The following SMAD1 variants were observed in gnomAD, a reference collection of about 807,000 sequenced individuals.
The protein encoded by SMAD1 is SMAD family member 1.
SMAD1 carries 6 observed loss-of-function variants against 41.6 expected under a neutral mutation model. That is an observed-to-expected ratio of 0.14 (90% CI 0.08 to 0.28). SMAD1 has a LOEUF of 0.28. SMAD1 is among the 10% of genes least tolerant of loss of function. SMAD1 has a pLI of 1.00. For synonymous variants in SMAD1, 206 were observed against 203.2 expected (o/e 1.01, Z -0.12); for missense variants, 379 against 582.6 (o/e 0.65, Z 3.60).
At chr4:145,525,848 G>T (rs957270996) in intron 2 of SMAD1, 1 of 152,174 alleles carries the variant, frequency 6.6e-6, no homozygotes, top group Non-Finnish European at 1.5e-5. Flanking sequence ...AAGATCTAGG[G>T]TGTTGGAAAC....
At chr4:145,533,258 T>C (rs1424402472) in intron 2 of SMAD1, among the ~76,000 whole-genome samples, 1 of 152,248 alleles carries the variant, frequency 6.6e-6, no homozygotes, top group African/African-American at 2.4e-5. Context: ...TCATCGCTTA[T>C]AGTTAGTGTG....
intron 2 of SMAD1, among the ~76,000 whole-genome samples, chr4:145,520,595 A>G (rs1020161216): frequency 3.3e-5 from 5 of 152,250 alleles, no homozygotes; most frequent in Admixed American, 2.6e-4. Flanking sequence ...ATGTTTGGAT[A>G]CAGATAGAAA....
In SMAD1 at chr4:145,542,550, G is replaced by A. The variant is rs554940052; in HGVS notation, c.659-32G>A. 50 of 1,343,810 alleles carry A rather than the reference G, an allele frequency of 3.7e-5. 1 individual carries two copies. The South Asian group carries it at 5.5e-4, about 15-fold the overall frequency. 83.2% of individuals were successfully genotyped at this position (1,343,810 alleles called of 1,614,324 possible). ...TTTTGAGCATGTATGTTTACTAAGGGTTAAGAAATAACTTCTTTAAAAACT... is the reference window on the plus strand; with the variant it reads ...TTTTGAGCATGTATGTTTACTAAGGATTAAGAAATAACTTCTTTAAAAACT... On this transcript the variant is annotated intron_variant, in intron 3 of 6. Transcript: ENST00000302085.
chr4:145,492,395 A>T (rs1225363184), intron 1 of SMAD1, among the ~76,000 whole-genome samples: 2 of 152,208 alleles, frequency 1.3e-5, no homozygotes, highest in Non-Finnish European at 2.9e-5. Flanking sequence ...TGGCTTACAG[A>T]GTTCGGGGAA....
chr4:145,516,428 T>A (rs935231279), intron 2 of SMAD1, among the ~76,000 whole-genome samples: 1 of 152,244 alleles, frequency 6.6e-6, no homozygotes, highest in Admixed American at 6.5e-5. Context: ...ATTGGCCTAC[T>A]GTGCTCTTGA....
intron 4 of SMAD1, among the ~76,000 whole-genome samples, chr4:145,543,214 A>G (rs994140568): frequency 3.3e-5 from 5 of 152,122 alleles, no homozygotes; most frequent in African/African-American, 4.8e-5. Flanking sequence ...TGATCCGCCC[A>G]CCTTGGCCTC....
intron 1 of SMAD1, among the ~76,000 whole-genome samples, chr4:145,486,607 G>T (rs1728491115): frequency 6.6e-6 from 1 of 152,176 alleles, no homozygotes; most frequent in South Asian, 2.1e-4. Context: ...GAGTTAATGT[G>T]TACACTTAAC....
chr4:145,530,260 C>T (rs1278400152), intron 2 of SMAD1, among the ~76,000 whole-genome samples: 1 of 152,042 alleles, frequency 6.6e-6, no homozygotes, highest in Non-Finnish European at 1.5e-5. Flanking sequence ...GATAGAAAGA[C>T]CGGGAAAGGC....
intron 1 of SMAD1, among the ~76,000 whole-genome samples, chr4:145,486,092 T>C (rs1458710007): frequency 6.6e-6 from 1 of 152,252 alleles, no homozygotes; most frequent in African/African-American, 2.4e-5. Context: ...TATGCCAGTA[T>C]AGACATGACT....
chr4:145,495,944 T>G (rs1339056085), intron 1 of SMAD1, among the ~76,000 whole-genome samples: 1 of 152,154 alleles, frequency 6.6e-6, no homozygotes, highest in Admixed American at 6.6e-5. Flanking sequence ...AGTTTAATTT[T>G]AGTGTTCTAC....
At position 145,514,536 on chromosome 4, in the gene SMAD1, A is replaced by C; in HGVS notation, c.-78A>C. On this transcript the variant is annotated 5_prime_UTR_variant, in exon 2 of 7. Coordinates refer to ENST00000302085, the MANE Select transcript of SMAD1 (RefSeq NM_005900.3). The surrounding 1 kb of genome is among the most constrained non-coding windows in gnomAD (Gnocchi z 4.7). ...AAAGAGACTTCTCTGTAAATAAACAAATCTCTTCTGCTGTCCTTTTGCATT... is the reference window on the plus strand; with the variant it reads ...AAAGAGACTTCTCTGTAAATAAACACATCTCTTCTGCTGTCCTTTTGCATT... 8.2e-6 allele frequency: 11 copies of C among 1,338,424 alleles called. No individual in the cohort carries two copies. The highest frequency in any genetic ancestry group is 1.1e-5 in the Non-Finnish European group (11 of 978,610). The allele number at this position is 1,338,424 out of a possible 1,614,324, so 82.9% of individuals were successfully genotyped here. A position where few individuals can be genotyped will look rare whatever the true frequency, so the allele number is the denominator to read the frequency against.
At chr4:145,494,153 G>T (rs1728930595) in intron 1 of SMAD1, among the ~76,000 whole-genome samples, 1 of 152,080 alleles carries the variant, frequency 6.6e-6, no homozygotes, top group African/African-American at 2.4e-5. Flanking sequence ...GTAGAGATGG[G>T]GTTTCACCAT....
At chr4:145,487,723 T>TG (rs1728549988) in intron 1 of SMAD1, among the ~76,000 whole-genome samples, 1 of 152,242 alleles carries the variant, frequency 6.6e-6, no homozygotes, top group Non-Finnish European at 1.5e-5. Context: ...ATACTCATCT[T>TG]GCTCTGCGTT....
At chr4:145,528,390 A>G (rs909707913) in intron 2 of SMAD1, among the ~76,000 whole-genome samples, 3 of 151,990 alleles carry the variant, frequency 2.0e-5, no homozygotes, top group African/African-American at 7.3e-5. Flanking sequence ...GGCGTAAGCC[A>G]CTGCACCCGG....
At chr4:145,508,162 G>C (rs961434370) in intron 1 of SMAD1, among the ~76,000 whole-genome samples, 53 of 149,914 alleles carry the variant, frequency 3.5e-4, no homozygotes, top group African/African-American at 1.2e-3. Context: ...CTAAAATGTA[G>C]ATCTAATAAT....
chr4:145,485,611 A>C (rs949797656), intron 1 of SMAD1, among the ~76,000 whole-genome samples: 3 of 152,232 alleles, frequency 2.0e-5, no homozygotes, highest in African/African-American at 7.2e-5. Context: ...ATGGAAAGAC[A>C]TATATAAACT....
chr4:145,536,603 C>G (rs957146962), intron 2 of SMAD1, among the ~76,000 whole-genome samples: 4 of 152,088 alleles, frequency 2.6e-5, no homozygotes, highest in Non-Finnish European at 5.9e-5. Context: ...GATGGAAAAG[C>G]ACGTCTTCAT....
chr4:145,494,260 C>T (rs1728937010), intron 1 of SMAD1, among the ~76,000 whole-genome samples: 1 of 152,048 alleles, frequency 6.6e-6, no homozygotes. Context: ...GCGCCCGGCC[C>T]CAGTTCATTC....
chr4:145,533,542 C>G (rs537534437), intron 2 of SMAD1, among the ~76,000 whole-genome samples: 1 of 151,408 alleles, frequency 6.6e-6, no homozygotes, highest in East Asian at 1.9e-4. Flanking sequence ...AAATTAACTG[C>G]GCATGGTGGC....
Sources: allele counts gnomAD v4.1 joint callset (sites outside exome capture counted in the v4.1 genomes callset), GRCh38; gene constraint gnomAD v4.1.1; non-coding constraint Gnocchi (gnomAD v3.1); transcripts MANE v1.5; gene names NCBI Gene and HGNC (gene_info 2026-07-23, HGNC 2026-07-21).